Variants in ATXN2 observed in about 807,000 individuals in gnomAD.
ATXN2 encodes the protein ataxin 2.
ATXN2 carries 37 observed loss-of-function variants against 138.6 expected under a neutral mutation model. That is an observed-to-expected ratio of 0.27 (90% CI 0.21 to 0.35). ATXN2 has a LOEUF of 0.35. Among genes scored for constraint, ATXN2 ranks in the 10% least tolerant of loss-of-function variants. The pLI is 1.00. For synonymous variants in ATXN2, 549 were observed against 543.7 expected (o/e 1.01, Z -0.13); for missense variants, 1,216 against 1,480.3 (o/e 0.82, Z 2.93).
intron 1 of ATXN2, among the ~76,000 whole-genome samples, chr12:111,596,243 CACAA>C (rs1248379669): frequency 6.2e-5 from 9 of 145,846 alleles, no homozygotes; most frequent in African/African-American, 2.4e-4. Flanking sequence ...CACACACACA[CACAA>C]AATTAGATTA....
At chr12:111,581,271 G>A (rs989307824) in intron 1 of ATXN2, 15 of 436,402 alleles carry the variant, frequency 3.4e-5, no homozygotes, top group African/African-American at 2.8e-4. Flanking sequence ...AATAGAATGA[G>A]TACTAAAAAA....
chr12:111,488,879 A>G, intron 14 of ATXN2, 99 bp from the exon 15 acceptor site: 1 of 1,006,034 alleles, frequency 9.9e-7, no homozygotes, highest in Non-Finnish European at 1.4e-6. Flanking sequence ...ATACGCATGA[A>G]ATGTTCTGAA....
intron 1 of ATXN2, among the ~76,000 whole-genome samples, chr12:111,574,611 T>C (rs1320438285): frequency 6.6e-6 from 1 of 151,948 alleles, no homozygotes; most frequent in Non-Finnish European, 1.5e-5. Flanking sequence ...TTTGTAGAGA[T>C]GGGGCCTCAC....
In ATXN2 at chr12:111,506,527, T is replaced by C. The variant is rs527321505; in HGVS notation, c.1935+3022A>G. On this transcript the variant is annotated intron_variant, in intron 14 of 24. Coordinates refer to ENST00000673436, the MANE Select transcript of ATXN2 (RefSeq NM_001372574.1). The stretch of plus-strand genomic sequence containing the variant: ...CATGAGATATTAAATTCAATCCAAG[T>C]GTAGTATAAGAGGAGACTGAATGAT... Among the ~76,000 whole-genome samples, 224 of 152,182 alleles carry C rather than the reference T, an allele frequency of 1.5e-3. 6 individuals are homozygous for C. In the South Asian group the frequency reaches 0.045, roughly 31 times the overall value.
intron 13 of ATXN2, 93 bp from the exon 14 acceptor site, chr12:111,509,712 T>C: frequency 1.1e-6 from 1 of 944,036 alleles, no homozygotes; most frequent in East Asian, 2.6e-5. Flanking sequence ...TAGAATAAGA[T>C]ATAAGATCAG....
chr12:111,577,427 G>T (rs570475979), intron 1 of ATXN2, among the ~76,000 whole-genome samples: 1 of 151,602 alleles, frequency 6.6e-6, no homozygotes, highest in African/African-American at 2.4e-5. Flanking sequence ...CACCACACCC[G>T]GTTAATTTTT....
At chr12:111,525,671 T>A (rs986036931) in intron 5 of ATXN2, among the ~76,000 whole-genome samples, 1 of 149,400 alleles carries the variant, frequency 6.7e-6, no homozygotes, top group African/African-American at 2.5e-5. Context: ...CATATAATTT[T>A]AAGCCACACG....
At chr12:111,513,976 C>T (rs1796661435) in intron 10 of ATXN2, among the ~76,000 whole-genome samples, 1 of 151,964 alleles carries the variant, frequency 6.6e-6, no homozygotes, top group Non-Finnish European at 1.5e-5. Flanking sequence ...TTCTACATTA[C>T]TTCTAAAATT....
At chr12:111,474,742 A>C (rs1876670949) in intron 18 of ATXN2, among the ~76,000 whole-genome samples, 1 of 152,288 alleles carries the variant, frequency 6.6e-6, no homozygotes, top group South Asian at 2.1e-4. Context: ...GGTAGGGATG[A>C]AACATGACTG....
Position 111,519,961 on chromosome 12 carries a change from T to C in ATXN2, c.904A>G (p.Asn302Asp). The C allele has an allele frequency of 3.1e-6, 5 of 1,614,194 alleles. No homozygotes were observed. Among genetic ancestry groups the C allele is most frequent in the South Asian group, 2.2e-5 (2 of 91,080 alleles). Reference sequence around the variant, plus strand: ...TTTTCTTCCTCACTCCTATCATCATTTTCCAGGGCCACTCGAGCTTTGTAC... The same window carrying C: ...TTTTCTTCCTCACTCCTATCATCATCTTCCAGGGCCACTCGAGCTTTGTAC... ...AQYKARVALENDDRSEEEKYT... is the reference protein window; with the variant it reads ...AQYKARVALEDDDRSEEEKYT... Residue 302 changes from asparagine to aspartate, a missense_variant, in exon 8 of 25, where the codon AAT becomes GAT. This residue lies in a region of ATXN2 where 401 missense variants were observed against 528.1 expected (regional missense o/e 0.76). Transcript: ENST00000673436.
At chr12:111,574,084 G>A (rs1592917075) in intron 1 of ATXN2, among the ~76,000 whole-genome samples, 1 of 151,690 alleles carries the variant, frequency 6.6e-6, no homozygotes, top group Non-Finnish European at 1.5e-5. Context: ...TTGGGAGGCT[G>A]AGGCAGACAG....
At chr12:111,543,071 A>G (rs1162888461) in intron 5 of ATXN2, among the ~76,000 whole-genome samples, 4 of 152,200 alleles carry the variant, frequency 2.6e-5, no homozygotes, top group South Asian at 2.1e-4. Flanking sequence ...TTTCCATTAC[A>G]TAGATCCGTT....
At position 111,513,339 on chromosome 12, in the gene ATXN2, T is replaced by C. The variant is rs939560748; in HGVS notation, c.1558+18A>G. On this transcript the variant is annotated intron_variant, in intron 11 of 24. Coordinates refer to ENST00000673436, the MANE Select transcript of ATXN2 (RefSeq NM_001372574.1). The stretch of plus-strand genomic sequence containing the variant: ...AATGACAAAATGAGTACCATCATTA[T>C]GCCCAAGTGTTACCTACCCCCACTG... 1.9e-6 allele frequency: 3 copies of C among 1,607,712 alleles called. No homozygotes were observed.
intron 3 of ATXN2, 116 bp from the exon 4 acceptor site, chr12:111,553,093 C>G (rs1168770640): frequency 1.9e-6 from 1 of 534,108 alleles, no homozygotes; most frequent in Non-Finnish European, 3.1e-6. Flanking sequence ...TAGGTATTCA[C>G]TAACAAAACA....
rs905793970 is a variant in ATXN2, at chr12:111,535,502, G to A, written c.572-10186C>T. 5.9e-5 allele frequency among the ~76,000 whole-genome samples: 9 copies of A among 152,112 alleles called. No individual in the cohort carries two copies. In the South Asian group the frequency reaches 1.2e-3, roughly 21 times the overall value. On this transcript the variant is annotated intron_variant, in intron 5 of 24. Transcript: ENST00000673436. Reference sequence around the variant, plus strand: ...CAGGGCATGGTGGCGCGCGCCTGTCGTCTCAGCTTCTCGGGAGGCTCAGGC... The same window carrying A: ...CAGGGCATGGTGGCGCGCGCCTGTCATCTCAGCTTCTCGGGAGGCTCAGGC...
chr12:111,547,777 TAAAA>T (rs533666242), intron 5 of ATXN2, among the ~76,000 whole-genome samples: 1 of 88,992 alleles, frequency 1.1e-5, no homozygotes, highest in Non-Finnish European at 2.3e-5. Context: ...AGCCAAAGAT[TAAAA>T]AAAAAAAAAA....
intron 1 of ATXN2, among the ~76,000 whole-genome samples, chr12:111,577,086 C>T (rs781261620): frequency 2.0e-5 from 3 of 151,842 alleles, no homozygotes; most frequent in Middle Eastern, 3.2e-3. Context: ...GGATTACAGT[C>T]GTGAGCCACT....
intron 21 of ATXN2, chr12:111,457,570 A>C: frequency 2.0e-6 from 1 of 510,684 alleles, no homozygotes; most frequent in South Asian, 3.4e-5. Flanking sequence ...TTCATATAAT[A>C]CAGCTCTACA....
At chr12:111,562,271 A>C (rs997268618) in intron 1 of ATXN2, among the ~76,000 whole-genome samples, 4 of 152,106 alleles carry the variant, frequency 2.6e-5, no homozygotes, top group Non-Finnish European at 4.4e-5. Flanking sequence ...CCATCTCTAA[A>C]ATAGTTTTAA....
Sources: allele counts gnomAD v4.1 joint callset (sites outside exome capture counted in the v4.1 genomes callset), GRCh38; gene constraint gnomAD v4.1.1; regional missense constraint gnomAD v4.1.1; transcripts MANE v1.5; gene names NCBI Gene and HGNC (gene_info 2026-07-23, HGNC 2026-07-21).